Variants in SPI1 observed in about 807,000 individuals in gnomAD.
The protein encoded by SPI1 is transcription factor PU.1.
A neutral mutation model predicts 30.7 loss-of-function variants in SPI1; 3 were observed. That is an observed-to-expected ratio of 0.10 (90% confidence interval 0.04 to 0.25). The LOEUF (loss-of-function observed/expected upper bound fraction) is 0.25. Ranked by LOEUF, SPI1 falls within the 10% of genes least tolerant of loss-of-function variation. The probability of loss-of-function intolerance (pLI) is 1.00; values close to 1 mark genes in which losing one functional copy is unlikely to be tolerated. For missense variants in SPI1, 261 were observed against 371.5 expected, an observed-to-expected ratio of 0.70 and a Z score of 2.45; for synonymous variants, 169 against 157.1, an observed-to-expected ratio of 1.08 and a Z score of -0.56.
chr11:47,366,078 T>G (rs779830079), intron 2 of SPI1, among the ~76,000 whole-genome samples: 3 of 152,104 alleles, frequency 2.0e-5, no homozygotes, highest in Non-Finnish European at 4.4e-5. Context: ...CCACCCTACA[T>G]CCATCCTTCA....
At chr11:47,358,300 C>T (rs1367569763) in intron 4 of SPI1, 1 of 521,524 alleles carries the variant, frequency 1.9e-6, no homozygotes. Flanking sequence ...ATATCACTCA[C>T]ACATGCCTGC....
Position 47,355,154 on chromosome 11 carries a change from T to G in SPI1, c.*73A>C, listed in dbSNP as rs2095906087. On this transcript the variant is annotated 3_prime_UTR_variant, in exon 5 of 5. Coordinates refer to ENST00000378538, the MANE Select transcript of SPI1 (RefSeq NM_003120.3). ...CTGGGCCCCGGGAGCGTCCTCCCTG[T>G]GTCCGGGCCGGGCGAGGGCTTAATG... 1 of 1,185,998 alleles carries G rather than the reference T, an allele frequency of 8.4e-7. No individual in the cohort carries two copies. The highest frequency in any genetic ancestry group is 1.1e-6 in the Non-Finnish European group (1 of 943,318). 73.5% of individuals were successfully genotyped at this position (1,185,998 alleles called of 1,614,324 possible).
intron 2 of SPI1, among the ~76,000 whole-genome samples, chr11:47,362,444 C>T (rs1259157061): frequency 6.6e-6 from 1 of 152,082 alleles, no homozygotes; most frequent in African/African-American, 2.4e-5. Context: ...TGGTGGCACA[C>T]ACTTCTAGTC....
Position 47,375,375 on chromosome 11 carries a change from A to G in SPI1, c.142+258T>C, listed in dbSNP as rs535313345. Among the ~76,000 whole-genome samples the G allele has an allele frequency of 1.2e-4, 18 of 152,364 alleles. No individual in the cohort carries two copies. Among genetic ancestry groups the G allele is most frequent in the African/African-American group, 4.1e-4 (17 of 41,584 alleles). ...AAGCCTGTTTCCTTGTTTATAAAGAAGACCACAAGGACAGAACCAGCAGAT... is the reference window on the plus strand; with the variant it reads ...AAGCCTGTTTCCTTGTTTATAAAGAGGACCACAAGGACAGAACCAGCAGAT... On this transcript the variant is annotated intron_variant, in intron 2 of 4. Transcript: ENST00000378538. This position sits in a 1 kb window ranked among gnomAD's most constrained non-coding sequence, Gnocchi z 4.2.
At position 47,359,301 on chromosome 11, in the gene SPI1, C is replaced by T. The variant is rs562968594; in HGVS notation, c.331-295G>A. 5.3e-5 allele frequency among the ~76,000 whole-genome samples: 8 copies of T among 152,230 alleles called. No individual in the cohort carries two copies. The South Asian group carries it at 1.2e-3, about 24-fold the overall frequency. Reference sequence around the variant, plus strand: ...TGGTGCCTTGTTCTCCTCCCTGCAGCGGTGCTGTGTGGACCCGCATTAGGC... The same window carrying T: ...TGGTGCCTTGTTCTCCTCCCTGCAGTGGTGCTGTGTGGACCCGCATTAGGC... On this transcript the variant is annotated intron_variant, in intron 3 of 4. Coordinates refer to ENST00000378538, the MANE Select transcript of SPI1 (RefSeq NM_003120.3). The surrounding 1 kb of genome is among the most constrained non-coding windows in gnomAD (Gnocchi z 5.1).
chr11:47,357,830 T>A (rs1276093516), intron 4 of SPI1, among the ~76,000 whole-genome samples: 1 of 152,090 alleles, frequency 6.6e-6, no homozygotes, highest in Non-Finnish European at 1.5e-5. Context: ...CCTCCCAAAG[T>A]GCTGGGATAC....
At position 47,375,809 on chromosome 11, in the gene SPI1, C is replaced by G; in HGVS notation, c.46-80G>C. 9.2e-7 allele frequency: 1 copy of G among 1,084,650 alleles called. No homozygotes were observed. The highest frequency in any genetic ancestry group is 1.4e-6 in the Non-Finnish European group (1 of 699,896). The allele number at this position is 1,084,650 out of a possible 1,614,324, so 67.2% of individuals were successfully genotyped here. ...CCTGCAGCACCCCCGCACGCTGGGTCCCCATCACCTTCCCTGGCTCAGTGG... is the reference window on the plus strand; with the variant it reads ...CCTGCAGCACCCCCGCACGCTGGGTGCCCATCACCTTCCCTGGCTCAGTGG... On this transcript the variant is annotated intron_variant, in intron 1 of 4. Transcript: ENST00000378538. The surrounding 1 kb of genome is among the most constrained non-coding windows in gnomAD (Gnocchi z 4.2).
Position 47,355,531 on chromosome 11 carries a change from ATCT to A in SPI1, c.506_508del (p.Lys169del), listed in dbSNP as rs1174901269. 5.7e-6 allele frequency: 9 copies of A among 1,580,472 alleles called. No individual in the cohort carries two copies. The highest frequency in any genetic ancestry group is 6.0e-6 in the Non-Finnish European group (7 of 1,160,848). On this transcript the variant is annotated inframe_deletion, in exon 5 of 5. Transcript: ENST00000378538. ...GTCCAACAGGAACTGGTACAGGCGG[ATCT>A]TCTTCTTGCTGCCTGCGGGGGGGAG... is the stretch of plus-strand genomic sequence containing the variant.
chr11:47,378,340 C>T lies in SPI1; in HGVS notation c.14G>A (p.Cys5Tyr), dbSNP rs751720363. The T allele has an allele frequency of 6.2e-7, 1 of 1,613,612 alleles. No homozygotes were observed. The highest frequency in any genetic ancestry group is 1.1e-5 in the South Asian group (1 of 90,974). MLQACKMEGFPLVPP... is the reference protein window; with the variant it reads MLQAYKMEGFPLVPP... ...GACGAGGGGAAACCCTTCCATTTTG[C>T]ACGCCTGTAACATCCAGCCGGGCTC... The change falls in exon 1 of 5, where the codon TGC (cysteine) becomes TAC (tyrosine). Residue 5 changes from cysteine (C) to tyrosine (Y), a missense_variant. Coordinates refer to ENST00000378538, the MANE Select transcript of SPI1 (RefSeq NM_003120.3).
At chr11:47,364,294 C>T (rs1190236467) in intron 2 of SPI1, among the ~76,000 whole-genome samples, 3 of 152,068 alleles carry the variant, frequency 2.0e-5, no homozygotes, top group Non-Finnish European at 4.4e-5. Context: ...TCGTGATCCA[C>T]CCGCCTCGGC....
chr11:47,373,250 G>C (rs1385033183), intron 2 of SPI1, among the ~76,000 whole-genome samples: 1 of 152,132 alleles, frequency 6.6e-6, no homozygotes, highest in Non-Finnish European at 1.5e-5. Flanking sequence ...TACTTGGGAG[G>C]CTGAGGCAGG....
At chr11:47,365,784 C>A (rs2095927276) in intron 2 of SPI1, among the ~76,000 whole-genome samples, 2 of 152,152 alleles carry the variant, frequency 1.3e-5, no homozygotes, top group African/African-American at 4.8e-5. Context: ...GCAACCTCCG[C>A]CTCCTGGGTT....
chr11:47,378,289 G>A lies in SPI1; in HGVS notation c.45+20C>T. On this transcript the variant is annotated intron_variant, in intron 1 of 4. Transcript: ENST00000378538. ...TCCGAGGGCCACGGGTTGGGCTGGT[G>A]GAGGAGTCCCGGTACTCACAGGGGG... The A allele has an allele frequency of 6.2e-7, 1 of 1,613,032 alleles. No individual in the cohort carries two copies. Among genetic ancestry groups the A allele is most frequent in the Non-Finnish European group, 8.5e-7 (1 of 1,179,426 alleles).
At chr11:47,358,265 C>G (rs1455626067) in intron 4 of SPI1, 4 of 458,162 alleles carry the variant, frequency 8.7e-6, no homozygotes, top group Non-Finnish European at 1.6e-5. Context: ...TGCTCACACA[C>G]CTGCTGTCAC....
In SPI1 at chr11:47,359,441, C is replaced by T. The variant is rs963169149; in HGVS notation, c.330+412G>A. On this transcript the variant is annotated intron_variant, in intron 3 of 4. Coordinates refer to ENST00000378538, the MANE Select transcript of SPI1 (RefSeq NM_003120.3). The surrounding 1 kb of genome is among the most constrained non-coding windows in gnomAD (Gnocchi z 5.1). ...GGAGGTCAGTAGGGGTGGTAGAGGT[C>T]AGCAGAGGTCACTGATCCGGGTTAG... Among the ~76,000 whole-genome samples the T allele has an allele frequency of 3.3e-5, 5 of 151,896 alleles. No homozygotes were observed. Among genetic ancestry groups the T allele is most frequent in the Non-Finnish European group, 7.4e-5 (5 of 67,944 alleles).
intron 2 of SPI1, among the ~76,000 whole-genome samples, chr11:47,363,708 A>G (rs1248477663): frequency 1.3e-5 from 2 of 151,870 alleles, no homozygotes; most frequent in African/African-American, 2.4e-5. Flanking sequence ...TATGCCTGTA[A>G]TCCAAGCACT....
chr11:47,374,874 C>T lies in SPI1; in HGVS notation c.142+759G>A, dbSNP rs2095940336. Reference sequence around the variant, plus strand: ...AAGGACTGGACAGACAGAAGGACACCCTGGCCCAGGCCTCTTCCTCCCACT... The same window carrying T: ...AAGGACTGGACAGACAGAAGGACACTCTGGCCCAGGCCTCTTCCTCCCACT... On this transcript the variant is annotated intron_variant, in intron 2 of 4. Transcript: ENST00000378538. The surrounding 1 kb of genome is among the most constrained non-coding windows in gnomAD (Gnocchi z 4.5). Among the ~76,000 whole-genome samples, 1 of 152,234 alleles carries T rather than the reference C, an allele frequency of 6.6e-6. No individual in the cohort carries two copies. Among genetic ancestry groups the T allele is most frequent in the Non-Finnish European group, 1.5e-5 (1 of 68,052 alleles).
intron 1 of SPI1, among the ~76,000 whole-genome samples, chr11:47,377,656 CT>C (rs2095944117): frequency 6.6e-6 from 1 of 152,278 alleles, no homozygotes; most frequent in South Asian, 2.1e-4. Context: ...GCCCTGTCCC[CT>C]GCCGCGCCTC....
At chr11:47,365,688 C>G (rs1326624681) in intron 2 of SPI1, among the ~76,000 whole-genome samples, 1 of 150,380 alleles carries the variant, frequency 6.6e-6, no homozygotes, top group Non-Finnish European at 1.5e-5. Flanking sequence ...TGTGGTGACG[C>G]TGAGAGATTT....
Sources: allele counts gnomAD v4.1 joint callset (sites outside exome capture counted in the v4.1 genomes callset), GRCh38; gene constraint gnomAD v4.1.1; non-coding constraint Gnocchi (gnomAD v3.1); transcripts MANE v1.5; gene names NCBI Gene and HGNC (gene_info 2026-07-23, HGNC 2026-07-21).